ZNF827: variants seen among roughly 807,000 people sequenced by gnomAD.
The protein encoded by ZNF827 is zinc finger protein 827.
A neutral mutation model predicts 102.4 loss-of-function variants in ZNF827; 13 were observed. The ratio of observed to expected loss-of-function variants is 0.13; its 90% CI spans 0.08 to 0.20. The LOEUF (loss-of-function observed/expected upper bound fraction) is 0.20, where lower values mean the gene tolerates loss of function less well. ZNF827 is among the 10% of genes least tolerant of loss of function. ZNF827 has a pLI of 1.00. For missense variants in ZNF827, 1,103 were observed against 1,344.4 expected (o/e 0.82, Z 2.81); for synonymous variants, 523 against 536.2 (o/e 0.98, Z 0.34).
chr4:145,779,241 G>C, intron 9 of ZNF827, 133 bp downstream of exon 9: 1 of 1,225,696 alleles, frequency 8.2e-7, no homozygotes, highest in South Asian at 1.8e-5. Context: ...ACATGCCAGA[G>C]AAAATGGCTT....
intron 8 of ZNF827, among the ~76,000 whole-genome samples, chr4:145,811,509 G>T (rs1230404820): frequency 6.6e-6 from 1 of 152,168 alleles, no homozygotes; most frequent in Non-Finnish European, 1.5e-5. Flanking sequence ...GGGTGAGGAG[G>T]TCTACAACTA....
intron 8 of ZNF827, among the ~76,000 whole-genome samples, chr4:145,806,766 C>T (rs764179822): frequency 8.5e-5 from 13 of 152,216 alleles, no homozygotes; most frequent in South Asian, 4.1e-4. Flanking sequence ...TACCCTCCCA[C>T]GGCAGCTATT....
In ZNF827 at chr4:145,775,879, GA is replaced by G; in HGVS notation, c.2602del (p.Ser868ProfsTer2). ...ANLNQHLTVH[S>X]VKLVSTDTED... ...GGTGTCTGTACTCACCAGCTTCACGGAATGGACGGTCAAGTGCTGGTTCAGA... is the reference window on the plus strand; with the variant it reads ...GGTGTCTGTACTCACCAGCTTCACGGATGGACGGTCAAGTGCTGGTTCAGA... On this transcript the variant is annotated frameshift_variant, in exon 10 of 15. Transcript: ENST00000508784. LOFTEE classifies it high-confidence loss of function. The G allele has an allele frequency of 6.2e-7, 1 of 1,614,194 alleles. No homozygotes were observed. The highest frequency in any genetic ancestry group is 8.5e-7 in the Non-Finnish European group (1 of 1,180,026).
intron 9 of ZNF827, among the ~76,000 whole-genome samples, chr4:145,777,492 G>C (rs1737303078): frequency 6.6e-6 from 1 of 152,134 alleles, no homozygotes; most frequent in South Asian, 2.1e-4. Flanking sequence ...ACTGATTCAA[G>C]TTCCCTCCCC....
At chr4:145,792,011 C>T (rs977903078) in intron 8 of ZNF827, among the ~76,000 whole-genome samples, 1 of 152,158 alleles carries the variant, frequency 6.6e-6, no homozygotes, top group Non-Finnish European at 1.5e-5. Context: ...TTCCTCTTTG[C>T]AAAAACCTCT....
At chr4:145,931,999 C>T (rs1753841965) in intron 1 of ZNF827, among the ~76,000 whole-genome samples, 1 of 152,082 alleles carries the variant, frequency 6.6e-6, no homozygotes, top group Non-Finnish European at 1.5e-5. Flanking sequence ...TGAGGGTAGA[C>T]CTCTCAAGAA....
Position 145,777,950 on chromosome 4 carries a change from T to A in ZNF827, c.2521+1424A>T, listed in dbSNP as rs192772095. On this transcript the variant is annotated intron_variant, in intron 9 of 14. Coordinates refer to ENST00000508784, the MANE Select transcript of ZNF827 (RefSeq NM_001306215.2). ...TTAGGCAGGACATTTTATTGACCCT[T>A]ACTTATTTAAAATTTCATTTAAGTA... is the stretch of plus-strand genomic sequence containing the variant. 2.1e-3 allele frequency among the ~76,000 whole-genome samples: 314 copies of A among 152,320 alleles called. 1 individual carries two copies. Among genetic ancestry groups the A allele is most frequent in the African/African-American group, 7.1e-3 (297 of 41,580 alleles).
intron 1 of ZNF827, among the ~76,000 whole-genome samples, chr4:145,912,401 A>C (rs1167665454): frequency 6.6e-6 from 1 of 152,208 alleles, no homozygotes; most frequent in African/African-American, 2.4e-5. Context: ...TCCTATACTT[A>C]TAACTCTTTG....
At chr4:145,871,539 C>T (rs1748680646) in intron 4 of ZNF827, among the ~76,000 whole-genome samples, 1 of 152,110 alleles carries the variant, frequency 6.6e-6, no homozygotes, top group South Asian at 2.1e-4. Flanking sequence ...CTTTAAGAGT[C>T]CATGAGGTAG....
chr4:145,835,349 C>G (rs868535484), intron 7 of ZNF827: 1 of 151,968 alleles, frequency 6.6e-6, no homozygotes, highest in Non-Finnish European at 1.5e-5. Context: ...ACATTACCTT[C>G]TTTTCAAGGG....
intron 7 of ZNF827, chr4:145,832,414 G>T (rs1744312038): frequency 6.6e-6 from 1 of 151,722 alleles, no homozygotes; most frequent in African/African-American, 2.4e-5. Context: ...TTAAATGGAA[G>T]ATATAATTTT....
rs1313039298 is a variant in ZNF827, at chr4:145,938,260, T to C, written c.43+105A>G. The stretch of plus-strand genomic sequence containing the variant: ...TGTGTCTTTGTCAGTTTCACCTCTG[T>C]AACCCTAAACTAATGCAGAAAACAA... On this transcript the variant is annotated intron_variant, in intron 1 of 14. Coordinates refer to ENST00000508784, the MANE Select transcript of ZNF827 (RefSeq NM_001306215.2). 2.2e-5 allele frequency: 31 copies of C among 1,401,928 alleles called. No individual in the cohort carries two copies. In the East Asian group the frequency reaches 7.1e-4, roughly 32 times the overall value. The allele number at this position is 1,401,928 out of a possible 1,614,324, so 86.8% of individuals were successfully genotyped here.
Position 145,868,848 on chromosome 4 carries a change from G to C in ZNF827, c.1981+1397C>G, listed in dbSNP as rs544821094. Among the ~76,000 whole-genome samples the C allele has an allele frequency of 6.6e-5, 10 of 152,314 alleles. No individual in the cohort carries two copies. The East Asian group carries it at 1.9e-3, about 29-fold the overall frequency. ...TGTTGGTTAAGACTTCAAGTCACTG[G>C]AATGTGAAAGTGTATGCTATGGGGG... On this transcript the variant is annotated intron_variant, in intron 5 of 14. Transcript: ENST00000508784.
chr4:145,889,770 A>C, intron 3 of ZNF827, among the ~76,000 whole-genome samples: 1 of 152,198 alleles, frequency 6.6e-6, no homozygotes, highest in East Asian at 1.9e-4. Context: ...TGAGGTCAAG[A>C]GTTCAAGACC....
chr4:145,880,071 C>T (rs1409331785), intron 4 of ZNF827, among the ~76,000 whole-genome samples: 1 of 152,078 alleles, frequency 6.6e-6, no homozygotes, highest in African/African-American at 2.4e-5. Context: ...CCCATCTCTA[C>T]CAAAAATATA....
At chr4:145,787,186 C>T (rs1048716543) in intron 8 of ZNF827, among the ~76,000 whole-genome samples, 7 of 152,104 alleles carry the variant, frequency 4.6e-5, no homozygotes, top group African/African-American at 7.2e-5. Context: ...TTTTGTCGGC[C>T]GGGCGCAGTG....
intron 5 of ZNF827, among the ~76,000 whole-genome samples, chr4:145,854,596 C>T (rs1450055922): frequency 1.3e-5 from 2 of 152,158 alleles, no homozygotes; most frequent in Non-Finnish European, 1.5e-5. Flanking sequence ...AAGCCTCAGC[C>T]CCACCCTCCC....
intron 1 of ZNF827, among the ~76,000 whole-genome samples, chr4:145,913,484 C>T (rs899061548): frequency 6.8e-6 from 1 of 147,916 alleles, no homozygotes; most frequent in Non-Finnish European, 1.5e-5. Context: ...ACTAGGGCTA[C>T]TTAGAGATAT....
intron 1 of ZNF827, among the ~76,000 whole-genome samples, chr4:145,911,855 T>G (rs1331822706): frequency 1.3e-5 from 2 of 152,342 alleles, no homozygotes; most frequent in South Asian, 4.1e-4. Context: ...CCAATAAACA[T>G]TTGTTGAATG....
Sources: gnomAD v4.1 joint callset for allele counts (sites outside exome capture counted in the v4.1 genomes callset) on GRCh38, gnomAD v4.1.1 for gene constraint, MANE v1.5 for transcripts, NCBI Gene and HGNC (gene_info 2026-07-23, HGNC 2026-07-21) for gene names.